Variants in CAMSAP1 observed in about 807,000 individuals in gnomAD.
CAMSAP1 encodes the protein calmodulin regulated spectrin associated protein 1, also known as calmodulin-regulated spectrin-associated protein 1.
In CAMSAP1, 58 loss-of-function variants were observed where a neutral mutation model predicts 143.5. That is an observed-to-expected ratio of 0.40 (90% confidence interval 0.33 to 0.50). The LOEUF is 0.50. Among genes scored for constraint, CAMSAP1 ranks in the 20% least tolerant of loss-of-function variants. The pLI is 0.45. For missense variants in CAMSAP1, 1,969 were observed against 2,115.7 expected (o/e 0.93, Z 1.36); for synonymous variants, 945 against 859.3 (o/e 1.10, Z -1.74).
At position 135,818,691 on chromosome 9, in the gene CAMSAP1, C is replaced by G; in HGVS notation, c.3960-75G>C. On this transcript the variant is annotated intron_variant, in intron 12 of 16. Transcript: ENST00000389532. This position sits in a 1 kb window ranked among gnomAD's most constrained non-coding sequence, Gnocchi z 7.7. ...CGACGCCTGCGCCGCGGCGCTCTGT[C>G]CAGGCGCGTTTCTCGGGTTCTCCCC... is the stretch of plus-strand genomic sequence containing the variant. The G allele has an allele frequency of 2.7e-6, 4 of 1,503,698 alleles. No individual in the cohort carries two copies. Among genetic ancestry groups the G allele is most frequent in the Non-Finnish European group, 2.7e-6 (3 of 1,117,060 alleles). 93.1% of individuals were successfully genotyped at this position (1,503,698 alleles called of 1,614,324 possible). A position where few individuals can be genotyped will look rare whatever the true frequency, so the allele number is the denominator to read the frequency against.
At chr9:135,902,637 A>G (rs1588515892) in intron 1 of CAMSAP1, among the ~76,000 whole-genome samples, 2 of 152,218 alleles carry the variant, frequency 1.3e-5, no homozygotes, top group Non-Finnish European at 2.9e-5. Flanking sequence ...CTTGTTGCCT[A>G]TATCATGAAA....
intron 1 of CAMSAP1, among the ~76,000 whole-genome samples, chr9:135,893,479 A>G (rs1264615956): frequency 6.6e-6 from 1 of 152,226 alleles, no homozygotes; most frequent in African/African-American, 2.4e-5. Flanking sequence ...CATAGTAACT[A>G]AATTTAACTT....
Position 135,818,726 on chromosome 9 carries a change from G to T in CAMSAP1, c.3960-110C>A. ...TTCTCGGGTTCTCCCCGGCCGCTGG[G>T]ACCAAGAGTGGCCAGCCTCCACAAG... On this transcript the variant is annotated intron_variant, in intron 12 of 16. Coordinates refer to ENST00000389532, the MANE Select transcript of CAMSAP1 (RefSeq NM_015447.4). This position sits in a 1 kb window ranked among gnomAD's most constrained non-coding sequence, Gnocchi z 7.7. The T allele has an allele frequency of 7.6e-7, 1 of 1,310,906 alleles. No individual in the cohort carries two copies. The highest frequency in any genetic ancestry group is 1.5e-5 in the South Asian group (1 of 68,590). 81.2% of individuals were successfully genotyped at this position (1,310,906 alleles called of 1,614,324 possible). A position where few individuals can be genotyped will look rare whatever the true frequency, so the allele number is the denominator to read the frequency against.
intron 16 of CAMSAP1, among the ~76,000 whole-genome samples, chr9:135,812,852 C>T (rs1835098458): frequency 6.6e-6 from 1 of 151,716 alleles, no homozygotes; most frequent in South Asian, 2.1e-4. Flanking sequence ...GCCTGTAGTC[C>T]GAGCTACTCA....
chr9:135,843,873 CAAAAAAAAAAAAAA>C (rs150201026), intron 7 of CAMSAP1, among the ~76,000 whole-genome samples: 2 of 63,938 alleles, frequency 3.1e-5, no homozygotes, highest in East Asian at 8.6e-4. Flanking sequence ...GACTCCGTCT[CAAAAAAAAAAAAAA>C]AAAAAAAAAG....
At chr9:135,860,685 G>A (rs374912207) in intron 5 of CAMSAP1, among the ~76,000 whole-genome samples, 83 of 148,810 alleles carry the variant, frequency 5.6e-4, no homozygotes, top group Middle Eastern at 3.6e-3. Context: ...CAACCCCTCC[G>A]CCGTCTTCTT....
At chr9:135,867,008 C>A (rs1051588584) in intron 3 of CAMSAP1, among the ~76,000 whole-genome samples, 2 of 152,154 alleles carry the variant, frequency 1.3e-5, no homozygotes, top group East Asian at 1.9e-4. Flanking sequence ...TAACTATACA[C>A]CCCTTAAAAA....
At chr9:135,879,513 CTA>C (rs1375823817) in intron 3 of CAMSAP1, among the ~76,000 whole-genome samples, 3 of 152,076 alleles carry the variant, frequency 2.0e-5, no homozygotes, top group Admixed American at 6.5e-5. Context: ...TTAAGTTTTT[CTA>C]TGTCTTTACC....
intron 5 of CAMSAP1, among the ~76,000 whole-genome samples, chr9:135,859,006 CACACCCAGAA>C (rs1242886502): frequency 6.6e-6 from 1 of 152,246 alleles, no homozygotes; most frequent in Admixed American, 6.5e-5. Flanking sequence ...CCCTCAGAGA[CACACCCAGAA>C]ACAATGCTTC....
chr9:135,862,262 T>C (rs1178177036), intron 5 of CAMSAP1, among the ~76,000 whole-genome samples: 1 of 150,602 alleles, frequency 6.6e-6, no homozygotes, highest in African/African-American at 2.4e-5. Context: ...AATTTCAAAG[T>C]GCAGTTTTGT....
rs569596890 is a variant in CAMSAP1, at chr9:135,824,389, G to A, written c.1316-355C>T. On this transcript the variant is annotated intron_variant, in intron 9 of 16. Coordinates refer to ENST00000389532, the MANE Select transcript of CAMSAP1 (RefSeq NM_015447.4). The surrounding 1 kb of genome is among the most constrained non-coding windows in gnomAD (Gnocchi z 4.1). ...CTTAACTAAAATCACTACATCAGCC[G>A]GGCACAGTGGCTCACACCTGTAATT... Among the ~76,000 whole-genome samples the A allele has an allele frequency of 9.9e-5, 15 of 152,218 alleles. No individual in the cohort carries two copies. Among genetic ancestry groups the A allele is most frequent in the South Asian group, 6.2e-4 (3 of 4,824 alleles).
Position 135,866,516 on chromosome 9 carries a change from C to T in CAMSAP1, c.606G>A (p.Glu202=). The T allele has an allele frequency of 6.9e-7, 1 of 1,454,632 alleles. No homozygotes were observed. The highest frequency in any genetic ancestry group is 9.4e-7 in the Non-Finnish European group (1 of 1,058,888). The allele number at this position is 1,454,632 out of a possible 1,614,324, so 90.1% of individuals were successfully genotyped here. ...TTAATTTAACTTCTTTCTCTGTTATCTCTCTCATTTTAAGATTTACCTAAA... is the reference window on the plus strand; with the variant it reads ...TTAATTTAACTTCTTTCTCTGTTATTTCTCTCATTTTAAGATTTACCTAAA... ...WINKVNLKMR[E]ITEKEVKLKQ... Residue 202 remains glutamate, a synonymous_variant, in exon 4 of 17, where the codon GAG becomes GAA. Coordinates refer to ENST00000389532, the MANE Select transcript of CAMSAP1 (RefSeq NM_015447.4).
At chr9:135,855,114 C>G (rs1836908718) in intron 5 of CAMSAP1, among the ~76,000 whole-genome samples, 1 of 152,096 alleles carries the variant, frequency 6.6e-6, no homozygotes, top group African/African-American at 2.4e-5. Context: ...GCCTGAGCCT[C>G]CCGAGTAGCT....
At chr9:135,835,145 A>G (rs1431446880) in intron 7 of CAMSAP1, among the ~76,000 whole-genome samples, 3 of 152,086 alleles carry the variant, frequency 2.0e-5, no homozygotes, top group African/African-American at 7.2e-5. Context: ...GAATTGGGTG[A>G]TGATGCACGT....
intron 7 of CAMSAP1, among the ~76,000 whole-genome samples, chr9:135,844,308 C>T (rs1034991742): frequency 3.3e-5 from 5 of 152,128 alleles, no homozygotes; most frequent in Non-Finnish European, 7.4e-5. Context: ...CACTCAAAAC[C>T]GCACAACTAC....
intron 1 of CAMSAP1, among the ~76,000 whole-genome samples, chr9:135,891,141 C>A (rs1044529463): frequency 6.6e-6 from 1 of 152,114 alleles, no homozygotes; most frequent in African/African-American, 2.4e-5. Context: ...GGCTAGAGGA[C>A]GAGGAAAAGG....
intron 1 of CAMSAP1, among the ~76,000 whole-genome samples, chr9:135,905,168 T>C (rs1838738924): frequency 6.6e-6 from 1 of 152,198 alleles, no homozygotes; most frequent in Non-Finnish European, 1.5e-5. Flanking sequence ...AGTATCAGAT[T>C]GTGAATTCAT....
In CAMSAP1 at chr9:135,818,972, CCTG is replaced by C. The variant is rs1350715978; in HGVS notation, c.3959+35_3959+37del. On this transcript the variant is annotated intron_variant, in intron 12 of 16. Coordinates refer to ENST00000389532, the MANE Select transcript of CAMSAP1 (RefSeq NM_015447.4). This position sits in a 1 kb window ranked among gnomAD's most constrained non-coding sequence, Gnocchi z 7.7. The stretch of plus-strand genomic sequence containing the variant: ...GGGGCCGCCAGGGACCCACCAGGCT[CCTG>C]CTCAGTCTGCTTTCCCCCCCGGCGG... The C allele has an allele frequency of 6.3e-7, 1 of 1,597,230 alleles. No individual in the cohort carries two copies. The highest frequency in any genetic ancestry group is 8.5e-7 in the Non-Finnish European group (1 of 1,177,168).
At position 135,810,044 on chromosome 9, in the gene CAMSAP1, A is replaced by G. The variant is rs1333931833; in HGVS notation, c.*1265T>C. ...TCCCAAGAAAATATGTGCAAAACTA[A>G]TGTTAGTGGCTCCAGAATCTTCCGG... On this transcript the variant is annotated 3_prime_UTR_variant, in exon 17 of 17. Coordinates refer to ENST00000389532, the MANE Select transcript of CAMSAP1 (RefSeq NM_015447.4). 6.6e-6 allele frequency: 1 copy of G among 152,652 alleles called. No individual in the cohort carries two copies. The highest frequency in any genetic ancestry group is 1.5e-5 in the Non-Finnish European group (1 of 68,048). 9.5% of individuals were successfully genotyped at this position (152,652 alleles called of 1,614,324 possible). A position where few individuals can be genotyped will look rare whatever the true frequency, so the allele number is the denominator to read the frequency against.
Sources: allele counts gnomAD v4.1 joint callset (sites outside exome capture counted in the v4.1 genomes callset), GRCh38; gene constraint gnomAD v4.1.1; non-coding constraint Gnocchi (gnomAD v3.1); transcripts MANE v1.5; gene names NCBI Gene and HGNC (gene_info 2026-07-23, HGNC 2026-07-21).